FAM222B: variants seen among roughly 807,000 people sequenced by gnomAD.
FAM222B encodes protein FAM222B.
In FAM222B, 12 loss-of-function variants were observed where a neutral mutation model predicts 38.0. The observed-to-expected ratio is 0.32, with a 90% CI of 0.20 to 0.51. The LOEUF (loss-of-function observed/expected upper bound fraction) is 0.51. Among genes scored for constraint, FAM222B ranks in the 20% least tolerant of loss-of-function variants. The pLI, the probability that FAM222B is intolerant of heterozygous loss-of-function variation, is 0.97. For synonymous variants in FAM222B, 329 were observed against 317.2 expected (o/e 1.04, Z -0.40); for missense variants, 716 against 754.2 (o/e 0.95, Z 0.59).
At chr17:28,830,064 T>C (rs2038608471) in intron 1 of FAM222B, among the ~76,000 whole-genome samples, 1 of 151,996 alleles carries the variant, frequency 6.6e-6, no homozygotes. Flanking sequence ...TTAACCAGGA[T>C]AGTCTCCATC....
chr17:28,813,412 T>G (rs2037890338), intron 1 of FAM222B, among the ~76,000 whole-genome samples: 1 of 152,162 alleles, frequency 6.6e-6, no homozygotes, highest in Non-Finnish European at 1.5e-5. Context: ...ACCTGGATCC[T>G]TTTTGCTATA....
intron 1 of FAM222B, among the ~76,000 whole-genome samples, chr17:28,788,355 C>T (rs1307408205): frequency 2.0e-5 from 3 of 152,140 alleles, no homozygotes; most frequent in Non-Finnish European, 4.4e-5. Flanking sequence ...CTTCTTGCCT[C>T]AGCTTCCTGA....
chr17:28,813,098 G>A (rs1300371632), intron 1 of FAM222B, among the ~76,000 whole-genome samples: 1 of 106,508 alleles, frequency 9.4e-6, no homozygotes, highest in Non-Finnish European at 1.8e-5. Flanking sequence ...TGGTGGGGTG[G>A]AGAAGGGAAT....
rs577814300 is a variant in FAM222B, at chr17:28,757,698, G to A, written c.*572C>T. 1 of 152,282 alleles carries A rather than the reference G, an allele frequency of 6.6e-6. No individual in the cohort carries two copies. Among genetic ancestry groups the A allele is most frequent in the African/African-American group, 2.4e-5 (1 of 41,514 alleles). 9.4% of individuals were successfully genotyped at this position (152,282 alleles called of 1,614,324 possible). A position where few individuals can be genotyped will look rare whatever the true frequency, so the allele number is the denominator to read the frequency against. Reference sequence around the variant, plus strand: ...GGCAAGGGCAAGTGCAGTGGCTGTGGGATCAATATAGACACAAAACAAAGC... The same window carrying A: ...GGCAAGGGCAAGTGCAGTGGCTGTGAGATCAATATAGACACAAAACAAAGC... On this transcript the variant is annotated 3_prime_UTR_variant, in exon 3 of 3. Transcript: ENST00000581407.
chr17:28,807,568 T>G (rs2037551635), intron 1 of FAM222B, among the ~76,000 whole-genome samples: 1 of 152,110 alleles, frequency 6.6e-6, no homozygotes, highest in Non-Finnish European at 1.5e-5. Context: ...ATATTTTTAG[T>G]AGAGATGAGG....
chr17:28,767,106 T>C (rs2035369414), intron 1 of FAM222B: 2 of 158,224 alleles, frequency 1.3e-5, no homozygotes, highest in African/African-American at 2.4e-5. Flanking sequence ...CATTATATGA[T>C]TGCAAAGGTA....
chr17:28,831,465 T>A (rs1422388529), intron 1 of FAM222B, among the ~76,000 whole-genome samples: 7 of 151,896 alleles, frequency 4.6e-5, no homozygotes, highest in Admixed American at 3.9e-4. Context: ...TTAGTCCCTT[T>A]GCCTTTCCAT....
At chr17:28,823,963 T>C (rs1161009700) in intron 1 of FAM222B, among the ~76,000 whole-genome samples, 1 of 150,288 alleles carries the variant, frequency 6.7e-6, no homozygotes, top group Non-Finnish European at 1.5e-5. Context: ...CTACAAGCTC[T>C]GCCTCCCAGG....
intron 2 of FAM222B, 50 bp downstream of exon 2, chr17:28,766,536 G>T: frequency 6.7e-7 from 1 of 1,489,826 alleles, no homozygotes; most frequent in South Asian, 1.2e-5. Flanking sequence ...CCCAAATGTA[G>T]AGACAAAAAC....
rs757872794 is a variant in FAM222B at position 28,759,098 on chromosome 17, C to T, written c.861G>A (p.Val287=). The T allele has an allele frequency of 4.3e-6, 7 of 1,611,700 alleles. No individual in the cohort carries two copies. In the Admixed American group the frequency reaches 1.0e-4, roughly 23 times the overall value. Reference sequence around the variant, plus strand: ...TGGGGTTGGCGATCTGGCCCTCACACACTGAGGTAGTGCTGATGCCTGCCC... The same window carrying T: ...TGGGGTTGGCGATCTGGCCCTCACATACTGAGGTAGTGCTGATGCCTGCCC... ...QTRAGISTTS[V]CEGQIANPSP... Residue 287 remains valine, a synonymous_variant, in exon 3 of 3, where the codon GTG becomes GTA. Coordinates refer to ENST00000581407, the MANE Select transcript of FAM222B (RefSeq NM_001077498.3). This position sits in a 1 kb window ranked among gnomAD's most constrained non-coding sequence, Gnocchi z 4.8.
chr17:28,804,714 C>T (rs1388247631), intron 1 of FAM222B, among the ~76,000 whole-genome samples: 1 of 152,030 alleles, frequency 6.6e-6, no homozygotes, highest in Admixed American at 6.6e-5. Context: ...TTTCTAGGTC[C>T]AGTACTGAGT....
intron 1 of FAM222B, among the ~76,000 whole-genome samples, chr17:28,782,218 AG>A (rs2036195694): frequency 6.6e-6 from 1 of 152,162 alleles, no homozygotes; most frequent in Admixed American, 6.6e-5. Context: ...GCTGCTCGGG[AG>A]GCTAAGGCAG....
intron 1 of FAM222B, among the ~76,000 whole-genome samples, chr17:28,837,715 T>C (rs184453049): frequency 3.1e-4 from 47 of 151,800 alleles, no homozygotes; most frequent in Admixed American, 1.6e-3. Context: ...TGCCATGGCA[T>C]GAGCTCGGCT....
At chr17:28,816,923 G>T (rs1435320398) in intron 1 of FAM222B, among the ~76,000 whole-genome samples, 1 of 152,080 alleles carries the variant, frequency 6.6e-6, no homozygotes. Flanking sequence ...TTCTGTTTCA[G>T]ACACTACAGG....
chr17:28,776,629 A>AT (rs948328114), intron 1 of FAM222B, among the ~76,000 whole-genome samples: 1 of 151,364 alleles, frequency 6.6e-6, no homozygotes, highest in South Asian at 2.1e-4. Context: ...ATTTTTAAAA[A>AT]TTTTTTTGAA....
intron 1 of FAM222B, among the ~76,000 whole-genome samples, chr17:28,830,947 C>T (rs184020617): frequency 6.0e-4 from 90 of 151,032 alleles, no homozygotes; most frequent in Non-Finnish European, 4.0e-4. Flanking sequence ...GCCTTTGCAC[C>T]TCGGTCAAAT....
At chr17:28,853,478 G>A (rs2039197823) in intron 1 of FAM222B, among the ~76,000 whole-genome samples, 1 of 152,094 alleles carries the variant, frequency 6.6e-6, no homozygotes, top group Non-Finnish European at 1.5e-5. Context: ...CCCATCCTAT[G>A]GATACCAAAA....
At chr17:28,815,404 C>T (rs1286761038) in intron 1 of FAM222B, among the ~76,000 whole-genome samples, 2 of 151,926 alleles carry the variant, frequency 1.3e-5, no homozygotes, top group Non-Finnish European at 2.9e-5. Context: ...TTAGTAGAGA[C>T]GGGGTTTCAC....
At chr17:28,804,871 T>C (rs899605822) in intron 1 of FAM222B, among the ~76,000 whole-genome samples, 2 of 149,704 alleles carry the variant, frequency 1.3e-5, no homozygotes, top group Non-Finnish European at 3.0e-5. Context: ...TGAAACCCCA[T>C]CTCTACTGAA....
Sources: allele counts gnomAD v4.1 joint callset (sites outside exome capture counted in the v4.1 genomes callset), GRCh38; gene constraint gnomAD v4.1.1; non-coding constraint Gnocchi (gnomAD v3.1); transcripts MANE v1.5; gene names NCBI Gene and HGNC (gene_info 2026-07-23, HGNC 2026-07-21).